PLB1: variants seen among roughly 807,000 people sequenced by gnomAD.
PLB1 encodes the protein phospholipase B1, membrane-associated.
In PLB1, 242 loss-of-function variants were observed where a neutral mutation model predicts 227.4. The ratio of observed to expected loss-of-function variants is 1.06; its 90% CI spans 0.96 to 1.18. The LOEUF is 1.18. Among genes scored for constraint, PLB1 ranks in the 50% most tolerant of loss-of-function variants. The pLI is 0.00. For missense variants in PLB1, 1,858 were observed against 1,816.3 expected (o/e 1.02, Z -0.42); for synonymous variants, 757 against 682.2 (o/e 1.11, Z -1.71).
intron 1 of PLB1, among the ~76,000 whole-genome samples, chr2:28,508,466 A>T (rs1378817645): frequency 6.6e-6 from 1 of 152,216 alleles, no homozygotes; most frequent in Non-Finnish European, 1.5e-5. Context: ...TTAATGGAGC[A>T]GTCAGCCAGG....
At chr2:28,594,965 A>G (rs953933066) in intron 33 of PLB1, 1 of 152,150 alleles carries the variant, frequency 6.6e-6, no homozygotes, top group African/African-American at 2.4e-5. Context: ...TAAAGAAGGC[A>G]ATGACCTCAT....
In PLB1 at chr2:28,620,305, CCA is replaced by C; in HGVS notation, c.3359_3360del (p.Thr1120IlefsTer56). 1 of 1,605,908 alleles carries C rather than the reference CCA, an allele frequency of 6.2e-7. No individual in the cohort carries two copies. Among genetic ancestry groups the C allele is most frequent in the South Asian group, 1.1e-5 (1 of 89,834 alleles). ...CGACCAAACAACTCCAGTGACCTAC[CCA>C]CATCTTGGAGGGGACTCTCTTGGAG... On this transcript the variant is annotated frameshift_variant, in exon 47 of 58. Coordinates refer to ENST00000327757, the MANE Select transcript of PLB1 (RefSeq NM_153021.5). LOFTEE classifies it high-confidence loss of function.
At chr2:28,618,105 G>C (rs1017245161) in intron 45 of PLB1, among the ~76,000 whole-genome samples, 3 of 152,160 alleles carry the variant, frequency 2.0e-5, no homozygotes, top group Non-Finnish European at 4.4e-5. Context: ...AACTTTCCTG[G>C]ACCACCCCAA....
chr2:28,518,096 G>T (rs1327459648), intron 2 of PLB1, among the ~76,000 whole-genome samples: 1 of 152,052 alleles, frequency 6.6e-6, no homozygotes, highest in Non-Finnish European at 1.5e-5. Flanking sequence ...TAGCCAGGCT[G>T]GTCTCAAACT....
chr2:28,546,027 C>CAT (rs1340786100), intron 14 of PLB1, among the ~76,000 whole-genome samples: 2 of 152,122 alleles, frequency 1.3e-5, no homozygotes, highest in Non-Finnish European at 2.9e-5. Context: ...CAAGCCCTAG[C>CAT]ATAGGTGAGC....
rs200538991 is a variant in PLB1 at position 28,581,271 on chromosome 2, T to C, written c.1567-797T>C. Reference sequence around the variant, plus strand: ...CCCCTCCCATTATTGCCTTGATTTATGTAGGGTGTGCTTTCATACATGTAG... The same window carrying C: ...CCCCTCCCATTATTGCCTTGATTTACGTAGGGTGTGCTTTCATACATGTAG... On this transcript the variant is annotated intron_variant, in intron 23 of 57. Coordinates refer to ENST00000327757, the MANE Select transcript of PLB1 (RefSeq NM_153021.5). Among the ~76,000 whole-genome samples the C allele has an allele frequency of 1.9e-4, 29 of 152,106 alleles. No individual in the cohort carries two copies. The East Asian group carries it at 4.8e-3, about 25-fold the overall frequency.
rs1573339810 is a variant in PLB1, at chr2:28,601,255, G to A, written c.2530G>A (p.Val844Ile). The change falls in exon 37 of 58, where the codon GTA becomes ATA. Residue 844 changes from valine to isoleucine, a missense_variant. Val to Ile is a conservative substitution (Grantham distance 29). Transcript: ENST00000327757. ...LMQKMKDDHR[V>I]NFHEDWKVIT... ...GCATTTTCCTCCCTCCATATAGAGAGTAAATTTCCATGAAGACTGGAAGGT... is the reference window on the plus strand; with the variant it reads ...GCATTTTCCTCCCTCCATATAGAGAATAAATTTCCATGAAGACTGGAAGGT... 3.7e-6 allele frequency: 6 copies of A among 1,612,618 alleles called. No individual in the cohort carries two copies. The African/African-American group carries it at 8.0e-5, about 21-fold the overall frequency.
chr2:28,589,867 G>T, intron 28 of PLB1, 97 bp downstream of exon 28: 1 of 1,375,586 alleles, frequency 7.3e-7, no homozygotes, highest in Non-Finnish European at 1.0e-6. Flanking sequence ...TGCAGGCCAT[G>T]TGATTCTATG....
At chr2:28,633,298 G>C in intron 56 of PLB1, 1 of 460,714 alleles carries the variant, frequency 2.2e-6, no homozygotes, top group Non-Finnish European at 3.9e-6. Flanking sequence ...GGTACTGCGA[G>C]GGGATCCCTT....
chr2:28,636,025 GTGTATGTGTGTGTGTGTA>G (rs1387357607), intron 56 of PLB1, among the ~76,000 whole-genome samples: 3 of 123,420 alleles, frequency 2.4e-5, no homozygotes, highest in Admixed American at 8.2e-5. Context: ...ATGAATGTGT[GTGTATGTGTGTGTGTGTA>G]TGTATGTGTA....
intron 42 of PLB1, 116 bp from the exon 43 acceptor site, chr2:28,606,380 C>A: frequency 9.6e-7 from 1 of 1,045,748 alleles, no homozygotes; most frequent in Admixed American, 2.2e-5. Context: ...GAAGTGGGAG[C>A]CAAGCCCCCT....
chr2:28,617,919 T>A, intron 45 of PLB1, 132 bp downstream of exon 45: 1 of 901,876 alleles, frequency 1.1e-6, no homozygotes, highest in Non-Finnish European at 1.8e-6. Flanking sequence ...ACCTAGATCC[T>A]GCGGCCTGCC....
At position 28,632,075 on chromosome 2, in the gene PLB1, C is replaced by T. The variant is rs769736128; in HGVS notation, c.3937C>T (p.Gln1313Ter). ...SSFSYWHQYT[Q>*]REDFAVVVQP... ...TTTCTCCTACTGGCACCAATACACA[C>T]AGCGTGAGGACTTTGCGGTTGTGGT... Residue 1313 changes from glutamine to a stop codon, truncating the protein, a stop_gained, in exon 55 of 58, where the codon CAG becomes TAG. Transcript: ENST00000327757. LOFTEE classifies it high-confidence loss of function. 4 of 1,614,170 alleles carry T rather than the reference C, an allele frequency of 2.5e-6. No homozygotes were observed. The South Asian group carries it at 3.3e-5, about 13-fold the overall frequency.
At chr2:28,601,610 A>G (rs1294584882) in intron 37 of PLB1, among the ~76,000 whole-genome samples, 1 of 152,170 alleles carries the variant, frequency 6.6e-6, no homozygotes, top group East Asian at 1.9e-4. Flanking sequence ...ATAACTCCTG[A>G]GAATTCAGAA....
chr2:28,587,431 C>T lies in PLB1; in HGVS notation c.1815+1589C>T, dbSNP rs925504778. On this transcript the variant is annotated intron_variant, in intron 26 of 57. Transcript: ENST00000327757. ...AGGAGTTCAAGACCAGCCTGGCCAA[C>T]ATAGTGAAACCCTGCAAAAAATACC... Among the ~76,000 whole-genome samples the T allele has an allele frequency of 2.6e-5, 4 of 152,090 alleles. 1 individual carries two copies. The highest frequency in any genetic ancestry group is 9.7e-5 in the African/African-American group (4 of 41,418).
In PLB1 at chr2:28,589,985, C is replaced by G. The variant is rs1661053762; in HGVS notation, c.2017-20C>G. The G allele has an allele frequency of 6.2e-7, 1 of 1,609,000 alleles. No homozygotes were observed. Among genetic ancestry groups the G allele is most frequent in the South Asian group, 1.1e-5 (1 of 90,980 alleles). On this transcript the variant is annotated intron_variant, in intron 28 of 57. Transcript: ENST00000327757. ...TGGCCGCCTCTTCCTCACTCCCCAT[C>G]TCCCTGCTTCTTTGTTTAGCTGGAG...
At chr2:28,635,144 TAACAAA>T (rs1425261528) in intron 56 of PLB1, among the ~76,000 whole-genome samples, 1 of 152,100 alleles carries the variant, frequency 6.6e-6, no homozygotes, top group Non-Finnish European at 1.5e-5. Context: ...AATTTCAAAA[TAACAAA>T]AACAAAACTA....
At chr2:28,545,703 G>A (rs1673148610) in intron 14 of PLB1, among the ~76,000 whole-genome samples, 1 of 152,188 alleles carries the variant, frequency 6.6e-6, no homozygotes, top group Non-Finnish European at 1.5e-5. Flanking sequence ...TCCAGGTGCG[G>A]GGAGGGCGGG....
chr2:28,529,431 C>T (rs1432155225), intron 7 of PLB1, 24 bp downstream of exon 7: 1 of 1,545,612 alleles, frequency 6.5e-7, no homozygotes, highest in South Asian at 1.1e-5. Flanking sequence ...CTGTCTCTCT[C>T]TGAGGTTATG....
Sources: allele counts gnomAD v4.1 joint callset (sites outside exome capture counted in the v4.1 genomes callset), GRCh38; gene constraint gnomAD v4.1.1; transcripts MANE v1.5; gene names NCBI Gene and HGNC (gene_info 2026-07-23, HGNC 2026-07-21).